Variants in RPH3AL observed in about 807,000 individuals in gnomAD.
The protein encoded by RPH3AL is rabphilin 3A like (without C2 domains), also known as rab effector Noc2.
In RPH3AL, 38 loss-of-function variants were observed where a neutral mutation model predicts 43.1. That is an observed-to-expected ratio of 0.88 (90% CI 0.68 to 1.15). RPH3AL has a LOEUF of 1.15. Among genes scored for constraint, RPH3AL ranks in the 50% most tolerant of loss-of-function variants. The pLI is 0.00. For missense variants in RPH3AL, 462 were observed against 423.2 expected, an observed-to-expected ratio of 1.09 and a Z score of -0.81; for synonymous variants, 189 against 176.3, an observed-to-expected ratio of 1.07 and a Z score of -0.57.
chr17:330,190 A>G (rs1361100752), intron 2 of RPH3AL, among the ~76,000 whole-genome samples: 1 of 152,216 alleles, frequency 6.6e-6, no homozygotes, highest in Non-Finnish European at 1.5e-5. Context: ...CCAGGCCACA[A>G]CCTTAACCAC....
At chr17:275,930 G>C (rs766522910) in intron 6 of RPH3AL, among the ~76,000 whole-genome samples, 3 of 152,234 alleles carry the variant, frequency 2.0e-5, no homozygotes, top group Non-Finnish European at 4.4e-5. Context: ...CGAGGGACTA[G>C]AGTGTGCCAG....
At chr17:285,760 C>G (rs1480994283) in intron 5 of RPH3AL, among the ~76,000 whole-genome samples, 1 of 152,206 alleles carries the variant, frequency 6.6e-6, no homozygotes, top group Non-Finnish European at 1.5e-5. Flanking sequence ...TGCCCTCAGT[C>G]TCCCCACTCA....
At position 274,277 on chromosome 17, in the gene RPH3AL, A is replaced by C. The variant is rs1047144424; in HGVS notation, c.438+7491T>G. Among the ~76,000 whole-genome samples the C allele has an allele frequency of 2.6e-5, 4 of 152,170 alleles. No homozygotes were observed. Among genetic ancestry groups the C allele is most frequent in the South Asian group, 4.1e-4 (2 of 4,836 alleles). On this transcript the variant is annotated intron_variant, in intron 6 of 9. Coordinates refer to ENST00000331302, the MANE Select transcript of RPH3AL (RefSeq NM_006987.4). This position sits in a 1 kb window ranked among gnomAD's most constrained non-coding sequence, Gnocchi z 4.7. ...TCAGCACCAGGCTCCACATCAGGTGAGGGGATGAGGCGGGAGACGGGAGGC... is the reference window on the plus strand; with the variant it reads ...TCAGCACCAGGCTCCACATCAGGTGCGGGGATGAGGCGGGAGACGGGAGGC...
At position 213,513 on chromosome 17, in the gene RPH3AL, C is replaced by T; in HGVS notation, c.*339G>A. On this transcript the variant is annotated 3_prime_UTR_variant, in exon 10 of 10. Coordinates refer to ENST00000331302, the MANE Select transcript of RPH3AL (RefSeq NM_006987.4). Reference sequence around the variant, plus strand: ...AACGGAGATAGCCCCACCGGGCGGCCCCTCTGACACTGCATGTGGGAAACC... The same window carrying T: ...AACGGAGATAGCCCCACCGGGCGGCTCCTCTGACACTGCATGTGGGAAACC... 1 of 426,024 alleles carries T rather than the reference C, an allele frequency of 2.3e-6. No individual in the cohort carries two copies. Among genetic ancestry groups the T allele is most frequent in the South Asian group, 2.4e-5 (1 of 41,214 alleles). The allele number at this position is 426,024 out of a possible 1,614,324, so 26.4% of individuals were successfully genotyped here.
chr17:298,789 A>G (rs915376953), intron 5 of RPH3AL, among the ~76,000 whole-genome samples: 2 of 152,142 alleles, frequency 1.3e-5, no homozygotes, highest in African/African-American at 2.4e-5. Flanking sequence ...CTAGACAAAC[A>G]TTGTAGGATT....
chr17:227,238 G>T (rs1294734141), intron 7 of RPH3AL, among the ~76,000 whole-genome samples: 1 of 152,244 alleles, frequency 6.6e-6, no homozygotes, highest in Non-Finnish European at 1.5e-5. Context: ...CTTCTCTGGG[G>T]AGAGGCCAGC....
At chr17:282,738 G>A (rs532108177) in intron 5 of RPH3AL, among the ~76,000 whole-genome samples, 8 of 152,316 alleles carry the variant, frequency 5.3e-5, no homozygotes, top group East Asian at 3.9e-4. Flanking sequence ...TGGTATAGCC[G>A]GCTGCACACC....
At chr17:243,889 C>T (rs573155538) in intron 7 of RPH3AL, among the ~76,000 whole-genome samples, 2 of 150,202 alleles carry the variant, frequency 1.3e-5, no homozygotes, top group South Asian at 4.3e-4. Context: ...CTACTGATTA[C>T]ACTTCCTCTA....
intron 6 of RPH3AL, among the ~76,000 whole-genome samples, chr17:266,297 G>A (rs1238735032): frequency 6.7e-6 from 1 of 150,226 alleles, no homozygotes; most frequent in Non-Finnish European, 1.5e-5. Flanking sequence ...TCCCCAGTGG[G>A]GTGTGTGTGT....
rs1385506287 is a variant in RPH3AL at position 245,145 on chromosome 17, ATGTGTGTGTGCACATGGATGTGTC to A, written c.613+1942_613+1965del. ...TGTGTGGATGTGTGTGTCCATGTGG[ATGTGTGTGTGCACATGGATGTGTC>A]TGTGTGTACGTGGATGTCTGTGTGT... On this transcript the variant is annotated intron_variant, in intron 7 of 9. Coordinates refer to ENST00000331302, the MANE Select transcript of RPH3AL (RefSeq NM_006987.4). This position sits in a 1 kb window ranked among gnomAD's most constrained non-coding sequence, Gnocchi z 5.9. Among the ~76,000 whole-genome samples the A allele has an allele frequency of 1.3e-4, 19 of 144,558 alleles. No individual in the cohort carries two copies. The highest frequency in any genetic ancestry group is 4.7e-4 in the African/African-American group (18 of 38,436). 94.8% of individuals were successfully genotyped at this position (144,558 alleles called of 152,430 possible).
intron 6 of RPH3AL, among the ~76,000 whole-genome samples, chr17:270,916 A>G (rs1009027267): frequency 1.3e-5 from 2 of 152,172 alleles, no homozygotes; most frequent in African/African-American, 4.8e-5. Context: ...TAGGTCTAAC[A>G]TTTAAGTCTT....
At chr17:214,045 C>T in intron 9 of RPH3AL, 122 bp from the exon 10 acceptor site, 1 of 719,932 alleles carries the variant, frequency 1.4e-6, no homozygotes, top group Non-Finnish European at 2.3e-6. Flanking sequence ...CTTCTGCTGA[C>T]AGCATCCGTG....
At chr17:348,088 G>T (rs1217506235) in intron 1 of RPH3AL, among the ~76,000 whole-genome samples, 1 of 45,088 alleles carries the variant, frequency 2.2e-5, no homozygotes, top group African/African-American at 7.6e-5. Flanking sequence ...TCTGCAAGGA[G>T]CAGTTAAAAA....
At chr17:269,027 C>A (rs553908446) in intron 6 of RPH3AL, among the ~76,000 whole-genome samples, 2 of 152,002 alleles carry the variant, frequency 1.3e-5, no homozygotes, top group African/African-American at 2.4e-5. Flanking sequence ...TACAGGCGCC[C>A]GCCACCACGC....
At chr17:297,911 G>GGA (rs567165955) in intron 5 of RPH3AL, among the ~76,000 whole-genome samples, 20 of 152,278 alleles carry the variant, frequency 1.3e-4, no homozygotes, top group Middle Eastern at 3.4e-3. Flanking sequence ...GAGCTGATGG[G>GGA]GAGAGAGGCA....
chr17:258,758 T>TA (rs1358772889), intron 6 of RPH3AL, among the ~76,000 whole-genome samples: 3 of 54,372 alleles, frequency 5.5e-5, no homozygotes, highest in South Asian at 5.9e-4. Context: ...AGTCAACCCG[T>TA]TTTTTTTTTT....
intron 6 of RPH3AL, among the ~76,000 whole-genome samples, chr17:250,725 C>T (rs12950868): frequency 6.7e-6 from 1 of 148,956 alleles, no homozygotes; most frequent in Non-Finnish European, 1.5e-5. Flanking sequence ...CTTTACTAAG[C>T]TTCATCCCTG....
chr17:328,112 C>T lies in RPH3AL; in HGVS notation c.-36-533G>A, dbSNP rs936008214. Among the ~76,000 whole-genome samples the T allele has an allele frequency of 3.9e-5, 6 of 152,122 alleles. No individual in the cohort carries two copies. Among genetic ancestry groups the T allele is most frequent in the African/African-American group, 1.4e-4 (6 of 41,434 alleles). Reference sequence around the variant, plus strand: ...GGGCAGGCAAGAGGGCAGGGGGTGGCAGCTACAGCCAGGATTGCCACCCAG... The same window carrying T: ...GGGCAGGCAAGAGGGCAGGGGGTGGTAGCTACAGCCAGGATTGCCACCCAG... On this transcript the variant is annotated intron_variant, in intron 2 of 9. Transcript: ENST00000331302. This position sits in a 1 kb window ranked among gnomAD's most constrained non-coding sequence, Gnocchi z 4.2.
At position 289,417 on chromosome 17, in the gene RPH3AL, T is replaced by C. The variant is rs1249882044; in HGVS notation, c.352-7563A>G. Among the ~76,000 whole-genome samples, 2 of 152,024 alleles carry C rather than the reference T, an allele frequency of 1.3e-5. No individual in the cohort carries two copies. The highest frequency in any genetic ancestry group is 2.9e-5 in the Non-Finnish European group (2 of 68,002). ...CTCAAATCTCTCTCCAACCTCTCAA[T>C]TCCCCTTCAGCCCCGTCCCTGATCT... On this transcript the variant is annotated intron_variant, in intron 5 of 9. Coordinates refer to ENST00000331302, the MANE Select transcript of RPH3AL (RefSeq NM_006987.4). The surrounding 1 kb of genome is among the most constrained non-coding windows in gnomAD (Gnocchi z 5.2).
Sources: gnomAD v4.1 joint callset for allele counts (sites outside exome capture counted in the v4.1 genomes callset) on GRCh38, gnomAD v4.1.1 for gene constraint, Gnocchi (gnomAD v3.1) non-coding constraint, MANE v1.5 for transcripts, NCBI Gene and HGNC (gene_info 2026-07-23, HGNC 2026-07-21) for gene names.